The following NRXN3 variants were observed in gnomAD, a reference collection of about 807,000 sequenced individuals.
NRXN3 encodes neurexin III.
Under a neutral mutation model 137.6 loss-of-function variants are expected in NRXN3, and 32 were observed. The observed-to-expected ratio is 0.23, with a 90% CI of 0.18 to 0.31. The LOEUF (loss-of-function observed/expected upper bound fraction) is 0.31. Among genes scored for constraint, NRXN3 ranks in the 10% least tolerant of loss-of-function variants. NRXN3 has a pLI of 1.00. For synonymous variants in NRXN3, 798 were observed against 784.5 expected (o/e 1.02, Z -0.29); for missense variants, 1,574 against 2,062.5 (o/e 0.76, Z 4.59).
chr14:79,400,853 G>C (rs1209322455), intron 15 of NRXN3, among the ~76,000 whole-genome samples: 1 of 152,182 alleles, frequency 6.6e-6, no homozygotes, highest in East Asian at 1.9e-4. Flanking sequence ...GCCTATATAT[G>C]TTGCATATAG....
rs939306561 is a variant in NRXN3 at position 79,667,386 on chromosome 14, C to T, written c.3616+3437C>T. Among the ~76,000 whole-genome samples the T allele has an allele frequency of 4.6e-5, 7 of 152,026 alleles. No individual in the cohort carries two copies. In the South Asian group the frequency reaches 6.3e-4, roughly 14 times the overall value. Reference sequence around the variant, plus strand: ...TTATCTCACTTGGAGAACATGCTCTCGGGGAATTGTTCCTGCCTACAAGGT... The same window carrying T: ...TTATCTCACTTGGAGAACATGCTCTTGGGGAATTGTTCCTGCCTACAAGGT... On this transcript the variant is annotated intron_variant, in intron 17 of 20. Coordinates refer to ENST00000335750, the MANE Select transcript of NRXN3 (RefSeq NM_001330195.2).
At chr14:78,889,644 A>G (rs1373653247) in intron 10 of NRXN3, among the ~76,000 whole-genome samples, 2 of 152,040 alleles carry the variant, frequency 1.3e-5, no homozygotes, top group African/African-American at 4.8e-5. Context: ...TACTCTGAGT[A>G]CTGAGCACTG....
intron 10 of NRXN3, among the ~76,000 whole-genome samples, chr14:78,910,672 C>T (rs886649088): frequency 6.6e-6 from 1 of 152,088 alleles, no homozygotes; most frequent in Non-Finnish European, 1.5e-5. Flanking sequence ...CTTTATGGAT[C>T]CTATCACCAT....
chr14:79,649,412 A>T (rs1253235912), intron 16 of NRXN3, among the ~76,000 whole-genome samples: 1 of 152,110 alleles, frequency 6.6e-6, no homozygotes, highest in Non-Finnish European at 1.5e-5. Flanking sequence ...AAAATAAAAG[A>T]TTTTATTTAT....
chr14:79,193,431 T>C (rs528416586), intron 15 of NRXN3, among the ~76,000 whole-genome samples: 5 of 152,378 alleles, frequency 3.3e-5, no homozygotes, highest in Non-Finnish European at 7.3e-5. Context: ...AACAAGATAG[T>C]GTCTTGGAAT....
intron 2 of NRXN3, among the ~76,000 whole-genome samples, chr14:78,262,794 G>A (rs1441324347): frequency 6.6e-6 from 1 of 152,158 alleles, no homozygotes; most frequent in Non-Finnish European, 1.5e-5. Context: ...TGAGGCTGGG[G>A]AGTCAGCCTG....
At position 79,680,291 on chromosome 14, in the gene NRXN3, G is replaced by A. The variant is rs547362785; in HGVS notation, c.3617-11882G>A. 5.3e-5 allele frequency among the ~76,000 whole-genome samples: 8 copies of A among 152,188 alleles called. No homozygotes were observed. In the East Asian group the frequency reaches 7.7e-4, roughly 15 times the overall value. ...TTGGGCGGCTGAGGCAGGGGAAGGC[G>A]GGAAAATTGCTTGAGCCCAGGAGGT... On this transcript the variant is annotated intron_variant, in intron 17 of 20. Coordinates refer to ENST00000335750, the MANE Select transcript of NRXN3 (RefSeq NM_001330195.2).
At position 79,470,964 on chromosome 14, in the gene NRXN3, G is replaced by C. The variant is rs1369019052; in HGVS notation, c.3444+3562G>C. On this transcript the variant is annotated intron_variant, in intron 16 of 20. Coordinates refer to ENST00000335750, the MANE Select transcript of NRXN3 (RefSeq NM_001330195.2). ...AAAGAGAGAGAGAGTGTGTGTGTGT[G>C]TGTGTGTGTGTGTGTGTGTGTGTGT... is the stretch of plus-strand genomic sequence containing the variant. Among the ~76,000 whole-genome samples, 7 of 141,970 alleles carry C rather than the reference G, an allele frequency of 4.9e-5. 1 individual carries two copies. The highest frequency in any genetic ancestry group is 1.9e-4 in the African/African-American group (7 of 36,556). The allele number at this position is 141,970 out of a possible 152,430, so 93.1% of individuals were successfully genotyped here.
At chr14:79,677,816 CTTGTT>C (rs745751521) in intron 17 of NRXN3, among the ~76,000 whole-genome samples, 4 of 152,140 alleles carry the variant, frequency 2.6e-5, no homozygotes, top group Admixed American at 6.6e-5. Context: ...GGACAATTCT[CTTGTT>C]TTATTTCCAT....
At chr14:79,546,044 CT>C (rs2097316341) in intron 16 of NRXN3, among the ~76,000 whole-genome samples, 1 of 152,126 alleles carries the variant, frequency 6.6e-6, no homozygotes. Context: ...CACAAGCTCT[CT>C]TTGCCTGCTG....
At chr14:78,643,613 C>G (rs1017786613) in intron 4 of NRXN3, among the ~76,000 whole-genome samples, 1 of 152,140 alleles carries the variant, frequency 6.6e-6, no homozygotes, top group African/African-American at 2.4e-5. Flanking sequence ...TTTTTGGATT[C>G]CTTGGAGTTC....
At chr14:79,223,236 AG>A (rs11297662) in intron 15 of NRXN3, among the ~76,000 whole-genome samples, 4,178 of 152,232 alleles carry the variant, frequency 0.027, 140 homozygotes, top group South Asian at 0.085. Context: ...AGAGAAGGAC[AG>A]GCAGAAGCCA....
chr14:78,869,254 T>C (rs1244269820), intron 10 of NRXN3, among the ~76,000 whole-genome samples: 2 of 152,172 alleles, frequency 1.3e-5, no homozygotes, highest in African/African-American at 2.4e-5. Flanking sequence ...CTTTAACCAT[T>C]TCTCTTCTTC....
rs535277896 is a variant in NRXN3, at chr14:79,500,093, A to G, written c.3444+32691A>G. Among the ~76,000 whole-genome samples, 5 of 152,180 alleles carry G rather than the reference A, an allele frequency of 3.3e-5. No homozygotes were observed. In the South Asian group the frequency reaches 1.0e-3, roughly 32 times the overall value. ...GACTTATGTGCGTATTGTTTTGAGA[A>G]TACAAAGAAAGGTGCTTCTGTTTCT... On this transcript the variant is annotated intron_variant, in intron 16 of 20. Transcript: ENST00000335750.
chr14:79,756,835 C>G (rs1349492068), intron 19 of NRXN3, among the ~76,000 whole-genome samples: 3 of 152,142 alleles, frequency 2.0e-5, no homozygotes, highest in African/African-American at 7.2e-5. Flanking sequence ...TAAAAACTGG[C>G]TTTACTACTG....
chr14:78,957,109 G>A (rs7157841), intron 10 of NRXN3, 133 bp from the exon 11 acceptor site: 72,227 of 922,970 alleles, frequency 0.078, 7,883 homozygotes, highest in East Asian at 0.38. Context: ...AGTAAAATTC[G>A]AATGGACTTT....
chr14:78,246,245 T>C (rs971924641), intron 2 of NRXN3, among the ~76,000 whole-genome samples: 7 of 152,256 alleles, frequency 4.6e-5, no homozygotes, highest in African/African-American at 1.7e-4. Flanking sequence ...TGTATATGTA[T>C]ACAATTTGCT....
intron 16 of NRXN3, among the ~76,000 whole-genome samples, chr14:79,596,805 C>T (rs994155502): frequency 6.6e-6 from 1 of 152,122 alleles, no homozygotes; most frequent in African/African-American, 2.4e-5. Flanking sequence ...TATGGTCATG[C>T]TGACGTTAGC....
chr14:79,798,395 G>A (rs539491430), intron 19 of NRXN3, among the ~76,000 whole-genome samples: 1 of 152,280 alleles, frequency 6.6e-6, no homozygotes, highest in South Asian at 2.1e-4. Flanking sequence ...CAGAATGAAG[G>A]TATAGAGGGG....
Sources: allele counts gnomAD v4.1 joint callset (sites outside exome capture counted in the v4.1 genomes callset), GRCh38; gene constraint gnomAD v4.1.1; transcripts MANE v1.5; gene names NCBI Gene and HGNC (gene_info 2026-07-23, HGNC 2026-07-21).